Variants in ZFAND3 observed in about 807,000 individuals in gnomAD.
ZFAND3 encodes the protein zinc finger AN1-type containing 3.
ZFAND3 carries 10 observed loss-of-function variants against 29.6 expected under a neutral mutation model. The observed-to-expected ratio is 0.34, with a 90% CI of 0.21 to 0.57. The LOEUF is 0.57. ZFAND3 is among the 20% of genes least tolerant of loss of function. The probability of loss-of-function intolerance (pLI) is 0.86; values close to 1 mark genes in which losing one functional copy is unlikely to be tolerated. For synonymous variants in ZFAND3, 128 were observed against 112.6 expected (o/e 1.14, Z -0.87); for missense variants, 230 against 304.5 (o/e 0.76, Z 1.82).
chr6:38,048,971 TG>T lies in ZFAND3; in HGVS notation c.113-12620del, dbSNP rs1763965452. Among the ~76,000 whole-genome samples the T allele has an allele frequency of 4.6e-5, 7 of 152,330 alleles. No homozygotes were observed. In the South Asian group the frequency reaches 1.5e-3, roughly 32 times the overall value. Reference sequence around the variant, plus strand: ...GTTTAAATCAAGGGTCTTACATTTTTGGCTTTCAAGGCACAGACGTCTTGTA... The same window carrying T: ...GTTTAAATCAAGGGTCTTACATTTTTGCTTTCAAGGCACAGACGTCTTGTA... On this transcript the variant is annotated intron_variant, in intron 2 of 5. Transcript: ENST00000287218.
intron 5 of ZFAND3, among the ~76,000 whole-genome samples, chr6:38,136,149 C>T (rs931678638): frequency 1.3e-5 from 2 of 152,186 alleles, no homozygotes; most frequent in Non-Finnish European, 2.9e-5. Context: ...AGGATGCCAC[C>T]GCTTATTTCC....
intron 2 of ZFAND3, among the ~76,000 whole-genome samples, chr6:37,971,419 G>A (rs1364614362): frequency 6.6e-6 from 1 of 152,138 alleles, no homozygotes; most frequent in Admixed American, 6.5e-5. Context: ...ATAGTATTAG[G>A]AACACATTGT....
intron 2 of ZFAND3, among the ~76,000 whole-genome samples, chr6:37,950,773 G>C (rs763800158): frequency 6.6e-6 from 1 of 152,042 alleles, no homozygotes; most frequent in Non-Finnish European, 1.5e-5. Flanking sequence ...ATGCTGTTCT[G>C]GTTACTATAG....
rs1197232939 is a variant in ZFAND3 at position 37,904,747 on chromosome 6, CTAA to C, written c.72-25205_72-25203del. On this transcript the variant is annotated intron_variant, in intron 1 of 5. Transcript: ENST00000287218. ...GCCTGCTTAGTGACTCATGTCCCTG[CTAA>C]TAATAAGTATTGTGAGAATGTGTCT... 2.6e-5 allele frequency among the ~76,000 whole-genome samples: 4 copies of C among 152,266 alleles called. No individual in the cohort carries two copies. In the East Asian group the frequency reaches 7.7e-4, roughly 29 times the overall value.
chr6:38,052,953 G>A (rs959139513), intron 2 of ZFAND3, among the ~76,000 whole-genome samples: 2 of 151,282 alleles, frequency 1.3e-5, no homozygotes, highest in Non-Finnish European at 2.9e-5. Flanking sequence ...AGAATTGCTC[G>A]AACCCGGGAG....
chr6:37,981,798 C>T (rs551136043), intron 2 of ZFAND3, among the ~76,000 whole-genome samples: 2 of 152,064 alleles, frequency 1.3e-5, no homozygotes, highest in Non-Finnish European at 2.9e-5. Context: ...GTTAAGGATG[C>T]ACCTGTTACA....
chr6:38,043,197 T>C (rs976035452), intron 2 of ZFAND3, among the ~76,000 whole-genome samples: 2 of 152,060 alleles, frequency 1.3e-5, no homozygotes, highest in Non-Finnish European at 2.9e-5. Context: ...TCTCGTCTTG[T>C]CTTGTCTTGT....
intron 1 of ZFAND3, among the ~76,000 whole-genome samples, chr6:37,850,517 T>C (rs1311968161): frequency 1.2e-4 from 19 of 152,140 alleles, no homozygotes; most frequent in Admixed American, 1.0e-3. Context: ...ATTATACTAC[T>C]GTATTTCTAC....
chr6:37,955,656 A>G (rs1762075242), intron 2 of ZFAND3, among the ~76,000 whole-genome samples: 1 of 152,192 alleles, frequency 6.6e-6, no homozygotes, highest in Non-Finnish European at 1.5e-5. Flanking sequence ...AGGGAATTAA[A>G]TGATGCCAGT....
intron 3 of ZFAND3, among the ~76,000 whole-genome samples, chr6:38,063,253 T>C (rs2127464151): frequency 6.6e-6 from 1 of 152,262 alleles, no homozygotes; most frequent in East Asian, 1.9e-4. Context: ...ATCGAGAATA[T>C]AAAATAAGCA....
At position 37,819,836 on chromosome 6, in the gene ZFAND3, TCCCCCCGCCCCGAGCCCCCCGAC is replaced by T; in HGVS notation, c.-109_-87del. 1.1e-5 allele frequency: 3 copies of T among 277,660 alleles called. No individual in the cohort carries two copies. Among genetic ancestry groups the T allele is most frequent in the South Asian group, 3.0e-4 (2 of 6,652 alleles). 17.2% of individuals were successfully genotyped at this position (277,660 alleles called of 1,614,324 possible). A position where few individuals can be genotyped will look rare whatever the true frequency, so the allele number is the denominator to read the frequency against. The stretch of plus-strand genomic sequence containing the variant: ...CGCCCGCGCGCCCGCTCCTTCCCCC[TCCCCCCGCCCCGAGCCCCCCGAC>T]GCCGCCGCCACCGCCTCCTCAGAGC... On this transcript the variant is annotated 5_prime_UTR_variant, in exon 1 of 6. Coordinates refer to ENST00000287218, the MANE Select transcript of ZFAND3 (RefSeq NM_021943.3).
chr6:38,051,705 A>G (rs1764030600), intron 2 of ZFAND3, among the ~76,000 whole-genome samples: 1 of 152,256 alleles, frequency 6.6e-6, no homozygotes, highest in Non-Finnish European at 1.5e-5. Flanking sequence ...ATATATGCGC[A>G]CACAGCATAA....
intron 3 of ZFAND3, among the ~76,000 whole-genome samples, chr6:38,066,000 G>A (rs1764338958): frequency 1.3e-5 from 2 of 152,102 alleles, no homozygotes; most frequent in African/African-American, 4.8e-5. Context: ...TCTCTCCCTG[G>A]GAGTCTGGCT....
At chr6:37,939,090 T>C (rs984015417) in intron 2 of ZFAND3, among the ~76,000 whole-genome samples, 64 of 152,248 alleles carry the variant, frequency 4.2e-4, no homozygotes, top group Admixed American at 3.1e-3. Flanking sequence ...TTTTGTCCTG[T>C]ATACATAATC....
chr6:37,874,253 C>T (rs1238913352), intron 1 of ZFAND3, among the ~76,000 whole-genome samples: 3 of 152,178 alleles, frequency 2.0e-5, no homozygotes, highest in Non-Finnish European at 2.9e-5. Flanking sequence ...TGGTGGCTCA[C>T]GCCTGTAATC....
At chr6:37,948,242 G>T (rs1205830899) in intron 2 of ZFAND3, among the ~76,000 whole-genome samples, 2 of 152,070 alleles carry the variant, frequency 1.3e-5, no homozygotes, top group African/African-American at 2.4e-5. Flanking sequence ...TCTTATATTT[G>T]TATCATATTT....
intron 4 of ZFAND3, among the ~76,000 whole-genome samples, chr6:38,085,889 T>C (rs890651386): frequency 3.9e-5 from 6 of 152,212 alleles, no homozygotes; most frequent in African/African-American, 1.2e-4. Flanking sequence ...GAAAATTAGC[T>C]CTAAGGATTA....
chr6:37,917,874 A>T (rs1761288360), intron 1 of ZFAND3, among the ~76,000 whole-genome samples: 1 of 152,184 alleles, frequency 6.6e-6, no homozygotes, highest in African/African-American at 2.4e-5. Context: ...AATTTGAACA[A>T]ATGAAAGATG....
chr6:37,994,601 A>C (rs541399522), intron 2 of ZFAND3, among the ~76,000 whole-genome samples: 1 of 152,160 alleles, frequency 6.6e-6, no homozygotes, highest in African/African-American at 2.4e-5. Context: ...CAGGCTGTCT[A>C]TATTTATCAA....
Sources: allele counts gnomAD v4.1 joint callset (sites outside exome capture counted in the v4.1 genomes callset), GRCh38; gene constraint gnomAD v4.1.1; transcripts MANE v1.5; gene names NCBI Gene and HGNC (gene_info 2026-07-23, HGNC 2026-07-21).